Variants in PCDHGA2 observed in about 807,000 individuals in gnomAD.
PCDHGA2 encodes protocadherin gamma-A2.
PCDHGA2 carries 40 observed loss-of-function variants against 59.2 expected under a neutral mutation model. The observed-to-expected ratio is 0.68, with a 90% confidence interval of 0.52 to 0.88. The LOEUF (loss-of-function observed/expected upper bound fraction) is 0.88, where lower values mean the gene tolerates loss of function less well. Ranked by LOEUF, PCDHGA2 falls within the 40% of genes least tolerant of loss-of-function variation. The pLI, the probability that PCDHGA2 is intolerant of heterozygous loss-of-function variation, is 0.00. For synonymous variants in PCDHGA2, 560 were observed against 526.0 expected, an observed-to-expected ratio of 1.06 and a Z score of -0.89; for missense variants, 1,226 against 1,204.0, an observed-to-expected ratio of 1.02 and a Z score of -0.27.
At chr5:141,443,759 A>G (rs1055796439) in intron 1 of PCDHGA2, among the ~76,000 whole-genome samples, 2 of 152,228 alleles carry the variant, frequency 1.3e-5, no homozygotes, top group African/African-American at 2.4e-5. Flanking sequence ...GAAGCTTACA[A>G]TATACAATAT....
At chr5:141,421,034 C>G (rs2096540283) in intron 1 of PCDHGA2, 2 of 538,266 alleles carry the variant, frequency 3.7e-6, no homozygotes, top group Non-Finnish European at 6.4e-6. Context: ...CATTGAGTCC[C>G]TCCCTCCCCC....
chr5:141,410,847 G>GTATTTTTTT, intron 1 of PCDHGA2: 1 of 158,252 alleles, frequency 6.3e-6, no homozygotes, highest in African/African-American at 8.4e-5. Context: ...TTTTGTCTTT[G>GTATTTTTTT]TCTTTTTTTT....
At position 141,404,503 on chromosome 5, in the gene PCDHGA2, G is replaced by A. The variant is rs771196227; in HGVS notation, c.2424+63108G>A. 8 of 1,613,720 alleles carry A rather than the reference G, an allele frequency of 5.0e-6. No homozygotes were observed. In the East Asian group the frequency reaches 1.8e-4, roughly 36 times the overall value. On this transcript the variant is annotated intron_variant, in intron 1 of 3. Coordinates refer to ENST00000394576, the MANE Select transcript of PCDHGA2 (RefSeq NM_018915.4). Reference sequence around the variant, plus strand: ...CAGACACTGGTGTGCTGTATGCTCTGTGCTCCTTTGACTATGAGCAGTTTA... The same window carrying A: ...CAGACACTGGTGTGCTGTATGCTCTATGCTCCTTTGACTATGAGCAGTTTA...
At chr5:141,359,059 A>G (rs1447770153) in intron 1 of PCDHGA2, among the ~76,000 whole-genome samples, 1 of 152,256 alleles carries the variant, frequency 6.6e-6, no homozygotes, top group South Asian at 2.1e-4. Flanking sequence ...ATATGCCTCA[A>G]TTTGACTTAC....
rs766092387 is a variant in PCDHGA2 at position 141,491,171 on chromosome 5, T to C, written c.2425-3636T>C. 7.4e-6 allele frequency: 12 copies of C among 1,613,968 alleles called. No individual in the cohort carries two copies. The highest frequency in any genetic ancestry group is 1.3e-5 in the African/African-American group (1 of 74,904). On this transcript the variant is annotated intron_variant, in intron 1 of 3. Coordinates refer to ENST00000394576, the MANE Select transcript of PCDHGA2 (RefSeq NM_018915.4). The surrounding 1 kb of genome is among the most constrained non-coding windows in gnomAD (Gnocchi z 6.9). The stretch of plus-strand genomic sequence containing the variant: ...GAGGATGACTCTGACACCCAGCAGG[T>C]GGTGGTCCTGGTGAGGGACAATGGT...
At chr5:141,405,309 A>T (rs1019536231) in intron 1 of PCDHGA2, 2 of 1,614,068 alleles carry the variant, frequency 1.2e-6, no homozygotes, top group Non-Finnish European at 1.7e-6. Context: ...CAGAGCTGTG[A>T]GAAAAATGAG....
intron 1 of PCDHGA2, chr5:141,384,572 A>G: frequency 6.2e-7 from 1 of 1,613,908 alleles, no homozygotes; most frequent in Non-Finnish European, 8.5e-7. Context: ...CAGAATGACA[A>G]CCCGCCCGAG....
chr5:141,500,521 A>T lies in PCDHGA2; in HGVS notation c.2484-4872A>T, dbSNP rs185546944. 3.7e-3 allele frequency among the ~76,000 whole-genome samples: 560 copies of T among 152,176 alleles called. 5 individuals are homozygous for T. Among genetic ancestry groups the T allele is most frequent in the Admixed American group, 0.011 (162 of 15,280 alleles). On this transcript the variant is annotated intron_variant, in intron 2 of 3. Coordinates refer to ENST00000394576, the MANE Select transcript of PCDHGA2 (RefSeq NM_018915.4). Reference sequence around the variant, plus strand: ...ACCGCGCCTGGCCGAGCTTCATTTTAAAAAAATCTCATTCACCTAAATAAG... The same window carrying T: ...ACCGCGCCTGGCCGAGCTTCATTTTTAAAAAATCTCATTCACCTAAATAAG...
intron 1 of PCDHGA2, chr5:141,399,841 G>C: frequency 6.2e-7 from 1 of 1,613,086 alleles, no homozygotes; most frequent in Non-Finnish European, 8.5e-7. Context: ...TGCGCTCTTC[G>C]ATATGGTGCC....
chr5:141,428,176 A>G (rs751446929), intron 1 of PCDHGA2: 21 of 1,507,402 alleles, frequency 1.4e-5, no homozygotes, highest in Non-Finnish European at 1.9e-5. Context: ...TGCGTGACGG[A>G]GGACAGCCGC....
intron 1 of PCDHGA2, among the ~76,000 whole-genome samples, chr5:141,483,630 G>A (rs2099583876): frequency 6.7e-6 from 1 of 149,714 alleles, no homozygotes; most frequent in African/African-American, 2.5e-5. Flanking sequence ...ATGGGAGAAG[G>A]TATAGAGGGG....
At chr5:141,424,094 A>G (rs1036391991) in intron 1 of PCDHGA2, 11 of 864,422 alleles carry the variant, frequency 1.3e-5, no homozygotes, top group Non-Finnish European at 1.4e-5. Context: ...ATTATTTGCT[A>G]TTACTGCTAA....
At chr5:141,369,170 A>G (rs374004034) in intron 1 of PCDHGA2, among the ~76,000 whole-genome samples, 1 of 152,236 alleles carries the variant, frequency 6.6e-6, no homozygotes, top group Non-Finnish European at 1.5e-5. Flanking sequence ...AAAAGTGTAA[A>G]TAACAAAAAG....
Position 141,341,299 on chromosome 5 carries a change from G to A in PCDHGA2, c.2328G>A (p.Ala776=). The A allele has an allele frequency of 6.2e-7, 1 of 1,614,216 alleles. No homozygotes were observed. Among genetic ancestry groups the A allele is most frequent in the Non-Finnish European group, 8.5e-7 (1 of 1,180,042 alleles). The change falls in exon 1 of 4, where the codon GCG becomes GCA. Residue 776 remains alanine (A), a synonymous_variant. Coordinates refer to ENST00000394576, the MANE Select transcript of PCDHGA2 (RefSeq NM_018915.4). ...SHLIFPQPNY[A]DTLISQESCE... Reference sequence around the variant, plus strand: ...TGATTTTCCCCCAGCCCAACTATGCGGACACGCTCATCAGCCAGGAGAGCT... The same window carrying A: ...TGATTTTCCCCCAGCCCAACTATGCAGACACGCTCATCAGCCAGGAGAGCT...
intron 1 of PCDHGA2, chr5:141,364,284 C>G: frequency 6.6e-7 from 1 of 1,517,046 alleles, no homozygotes; most frequent in South Asian, 1.4e-5. Context: ...AATAAGGAAA[C>G]AGCAGGCTGA....
intron 1 of PCDHGA2, chr5:141,365,106 C>G: frequency 1.2e-6 from 2 of 1,613,862 alleles, no homozygotes; most frequent in Non-Finnish European, 1.7e-6. Flanking sequence ...CCTGTGGGCA[C>G]TCGGCTGCTC....
chr5:141,365,161 G>A lies in PCDHGA2; in HGVS notation c.2424+23766G>A, dbSNP rs1472001277. On this transcript the variant is annotated intron_variant, in intron 1 of 3. Transcript: ENST00000394576. ...CAGATGAGGGAATAAACGGGAAATTGACCTACTCTTTTCGCAATGAAGAAG... is the reference window on the plus strand; with the variant it reads ...CAGATGAGGGAATAAACGGGAAATTAACCTACTCTTTTCGCAATGAAGAAG... 5.0e-6 allele frequency: 8 copies of A among 1,613,810 alleles called. No homozygotes were observed. In the African/African-American group the frequency reaches 8.0e-5, roughly 16 times the overall value.
intron 1 of PCDHGA2, chr5:141,419,710 C>T: frequency 6.2e-7 from 1 of 1,613,168 alleles, no homozygotes; most frequent in South Asian, 1.1e-5. Context: ...CCGGGCTCTT[C>T]AGCCTGGGGC....
At chr5:141,393,230 A>G (rs2092708331) in intron 1 of PCDHGA2, 1 of 1,613,764 alleles carries the variant, frequency 6.2e-7, no homozygotes, top group Non-Finnish European at 8.5e-7. Context: ...AAGATCTAGA[A>G]GTAAAAATTA....
Sources: allele counts gnomAD v4.1 joint callset (sites outside exome capture counted in the v4.1 genomes callset), GRCh38; gene constraint gnomAD v4.1.1; non-coding constraint Gnocchi (gnomAD v3.1); transcripts MANE v1.5; gene names NCBI Gene and HGNC (gene_info 2026-07-23, HGNC 2026-07-21).